Variants in PLCXD3 observed in about 807,000 individuals in gnomAD.
PLCXD3 encodes phosphatidylinositol specific phospholipase C X domain containing 3.
Under a neutral mutation model 25.5 loss-of-function variants are expected in PLCXD3, and 19 were observed. That is an observed-to-expected ratio of 0.75 (90% CI 0.52 to 1.09). PLCXD3 has a LOEUF of 1.09. Ranked by LOEUF, PLCXD3 falls within the 50% of genes least tolerant of loss-of-function variation. PLCXD3 has a pLI of 0.00. For synonymous variants in PLCXD3, 174 were observed against 137.6 expected (o/e 1.26, Z -1.85); for missense variants, 411 against 388.1 (o/e 1.06, Z -0.50).
At chr5:41,484,102 A>C (rs1388240919) in intron 1 of PLCXD3, among the ~76,000 whole-genome samples, 1 of 152,132 alleles carries the variant, frequency 6.6e-6, no homozygotes, top group East Asian at 1.9e-4. Flanking sequence ...TTATGACCCC[A>C]AAAATCTAAT....
At chr5:41,497,103 C>G (rs998643523) in intron 1 of PLCXD3, among the ~76,000 whole-genome samples, 2 of 149,170 alleles carry the variant, frequency 1.3e-5, no homozygotes, top group Admixed American at 1.3e-4. Flanking sequence ...AGTATTACTA[C>G]AAAAATAAAT....
chr5:41,378,448 A>T (rs1387911480), intron 2 of PLCXD3, among the ~76,000 whole-genome samples: 1 of 152,060 alleles, frequency 6.6e-6, no homozygotes, highest in African/African-American at 2.4e-5. Context: ...TAGAGGAAAG[A>T]ATTAGTTCTC....
chr5:41,482,653 C>A (rs981939667), intron 1 of PLCXD3, among the ~76,000 whole-genome samples: 4 of 152,140 alleles, frequency 2.6e-5, no homozygotes, highest in Admixed American at 1.3e-4. Flanking sequence ...AAAGAGGATG[C>A]CCTTTCTTGC....
At chr5:41,392,619 A>G (rs899939690) in intron 1 of PLCXD3, among the ~76,000 whole-genome samples, 1 of 152,204 alleles carries the variant, frequency 6.6e-6, no homozygotes, top group African/African-American at 2.4e-5. Flanking sequence ...AGTGAAGACT[A>G]CAATAAATAC....
chr5:41,470,965 C>T (rs140744125), intron 1 of PLCXD3, among the ~76,000 whole-genome samples: 113 of 152,228 alleles, frequency 7.4e-4, no homozygotes, highest in African/African-American at 2.6e-3. Context: ...AAATTTTACT[C>T]AGGAACTATT....
chr5:41,491,219 T>C (rs868697129), intron 1 of PLCXD3, among the ~76,000 whole-genome samples: 1 of 152,238 alleles, frequency 6.6e-6, no homozygotes, highest in Non-Finnish European at 1.5e-5. Context: ...GAGCAGGTTG[T>C]TCAGTTTCCA....
intron 2 of PLCXD3, among the ~76,000 whole-genome samples, chr5:41,315,640 A>G (rs977169374): frequency 3.9e-5 from 6 of 152,210 alleles, no homozygotes; most frequent in Admixed American, 6.5e-5. Context: ...ATATCGCGGA[A>G]AATGCCACAG....
Position 41,336,268 on chromosome 5 carries a change from T to C in PLCXD3, c.813-22498A>G, listed in dbSNP as rs117921597. Among the ~76,000 whole-genome samples the C allele has an allele frequency of 2.6e-5, 4 of 152,312 alleles. No homozygotes were observed. In the East Asian group the frequency reaches 7.7e-4, roughly 29 times the overall value. On this transcript the variant is annotated intron_variant, in intron 2 of 2. Transcript: ENST00000377801. ...GCATAGAGGATAAGAGTGAAGACTT[T>C]GGAGCAGAGTGTCTGAATTCAAATC...
intron 1 of PLCXD3, among the ~76,000 whole-genome samples, chr5:41,471,873 TTCCCCTCCCTTCCCCTCCCC>T (rs1748172377): frequency 7.5e-4 from 1 of 1,334 alleles, no homozygotes; most frequent in African/African-American, 1.5e-3. Context: ...TTCCCTTCCC[TTCCCCTCCCTTCCCCTCCCC>T]TCCCTTCCCT....
At chr5:41,430,217 G>C (rs1747063658) in intron 1 of PLCXD3, among the ~76,000 whole-genome samples, 1 of 152,066 alleles carries the variant, frequency 6.6e-6, no homozygotes, top group Admixed American at 6.5e-5. Flanking sequence ...ACTTCTAACA[G>C]TTCCTAGTAT....
chr5:41,360,023 T>C (rs930306542), intron 2 of PLCXD3, among the ~76,000 whole-genome samples: 90 of 152,294 alleles, frequency 5.9e-4, no homozygotes, highest in African/African-American at 2.1e-3. Flanking sequence ...GGAGCCTTTG[T>C]TCATTTTTTT....
intron 1 of PLCXD3, among the ~76,000 whole-genome samples, chr5:41,502,639 C>T (rs1172704805): frequency 1.3e-5 from 2 of 152,090 alleles, no homozygotes; most frequent in African/African-American, 4.8e-5. Flanking sequence ...ATTGAACACC[C>T]ATTTAAAATT....
chr5:41,418,802 A>G (rs1746750726), intron 1 of PLCXD3, among the ~76,000 whole-genome samples: 1 of 152,246 alleles, frequency 6.6e-6, no homozygotes. Flanking sequence ...TGAATCAGTC[A>G]TCATTTTGGA....
chr5:41,491,928 A>C (rs1000471243), intron 1 of PLCXD3, among the ~76,000 whole-genome samples: 1 of 152,180 alleles, frequency 6.6e-6, no homozygotes, highest in Non-Finnish European at 1.5e-5. Flanking sequence ...TATTTAGTCC[A>C]TTTACATTTA....
rs958826981 is a variant in PLCXD3 at position 41,414,534 on chromosome 5, G to C, written c.104-32000C>G. Among the ~76,000 whole-genome samples the C allele has an allele frequency of 1.1e-4, 17 of 152,152 alleles. 1 individual carries two copies. The highest frequency in any genetic ancestry group is 4.1e-4 in the African/African-American group (17 of 41,418). On this transcript the variant is annotated intron_variant, in intron 1 of 2. Transcript: ENST00000377801. ...ATTTCTTTACCTGTATGATGAATAG[G>C]AGGGTGATTATTATATTTGTGTGTC...
At chr5:41,429,387 G>T (rs1352830992) in intron 1 of PLCXD3, among the ~76,000 whole-genome samples, 1 of 152,040 alleles carries the variant, frequency 6.6e-6, no homozygotes, top group Non-Finnish European at 1.5e-5. Flanking sequence ...GGGAATCAGG[G>T]GAGGGAGGGA....
At chr5:41,508,967 C>T (rs1228112268) in intron 1 of PLCXD3, among the ~76,000 whole-genome samples, 1 of 152,046 alleles carries the variant, frequency 6.6e-6, no homozygotes, top group Non-Finnish European at 1.5e-5. Flanking sequence ...GATTCCTGGC[C>T]GGTAGCAAGC....
chr5:41,361,156 G>C lies in PLCXD3; in HGVS notation c.812+20670C>G, dbSNP rs535097722. ...CAGGGGTTACGGCTGCCTCTTCTGA[G>C]TCATACAGGTCACCAGGGAAGTGGG... On this transcript the variant is annotated intron_variant, in intron 2 of 2. Transcript: ENST00000377801. Among the ~76,000 whole-genome samples, 115 of 152,176 alleles carry C rather than the reference G, an allele frequency of 7.6e-4. 1 individual carries two copies. Among genetic ancestry groups the C allele is most frequent in the Admixed American group, 1.4e-3 (21 of 15,288 alleles).
intron 1 of PLCXD3, among the ~76,000 whole-genome samples, chr5:41,394,031 C>A (rs1165413266): frequency 2.0e-5 from 3 of 149,494 alleles, no homozygotes; most frequent in Non-Finnish European, 4.5e-5. Context: ...CTACTCTTAT[C>A]CTAAGTAAAA....
Sources: allele counts gnomAD v4.1 joint callset (sites outside exome capture counted in the v4.1 genomes callset), GRCh38; gene constraint gnomAD v4.1.1; transcripts MANE v1.5; gene names NCBI Gene and HGNC (gene_info 2026-07-23, HGNC 2026-07-21).